The following IL1R1 variants were observed in gnomAD, a reference collection of about 807,000 sequenced individuals.
IL1R1 encodes the protein interleukin 1 receptor type 1.
Under a neutral mutation model 50.2 loss-of-function variants are expected in IL1R1, and 22 were observed. The observed-to-expected ratio is 0.44, with a 90% CI of 0.31 to 0.63. IL1R1 has a LOEUF of 0.63. Ranked by LOEUF, IL1R1 falls within the 20% of genes least tolerant of loss-of-function variation. IL1R1 has a pLI of 0.07. For missense variants in IL1R1, 509 were observed against 676.2 expected, an observed-to-expected ratio of 0.75 and a Z score of 2.74; for synonymous variants, 251 against 236.7, an observed-to-expected ratio of 1.06 and a Z score of -0.55.
chr2:102,143,690 GC>G (rs910421340), intron 1 of IL1R1, among the ~76,000 whole-genome samples: 1 of 152,134 alleles, frequency 6.6e-6, no homozygotes, highest in Admixed American at 6.5e-5. Flanking sequence ...TCTGCATGCA[GC>G]CCCCCTCTGT....
chr2:102,134,063 T>C (rs1015391962), intron 1 of IL1R1, among the ~76,000 whole-genome samples: 7 of 152,206 alleles, frequency 4.6e-5, no homozygotes, highest in South Asian at 4.1e-4. Context: ...AAGATCAATA[T>C]ACAAAAATCA....
intron 6 of IL1R1, among the ~76,000 whole-genome samples, chr2:102,167,836 T>C (rs915247859): frequency 6.6e-6 from 1 of 152,234 alleles, no homozygotes; most frequent in Non-Finnish European, 1.5e-5. Context: ...GGTAATATTT[T>C]GTTTTCTTTC....
chr2:102,136,555 T>C (rs1682355377), intron 1 of IL1R1, among the ~76,000 whole-genome samples: 1 of 152,014 alleles, frequency 6.6e-6, no homozygotes, highest in African/African-American at 2.4e-5. Context: ...TTTTTGTATC[T>C]TTAGTAGAGA....
chr2:102,165,174 A>G lies in IL1R1; in HGVS notation c.356A>G (p.Asn119Ser), dbSNP rs765231179. Residue 119 changes from asparagine (N) to serine (S), a missense_variant, in exon 5 of 12, where the codon AAC becomes AGC. Physicochemically the swap from Asn to Ser is conservative, Grantham distance 46. Transcript: ENST00000410023. ...GCAAAATTTGTGGAGAATGAGCCTA[A>G]CTTATGTTATAATGCACAAGCCATA... ...ISAKFVENEP[N>S]LCYNAQAIFK... 3.8e-6 allele frequency: 6 copies of G among 1,596,028 alleles called. No individual in the cohort carries two copies. The highest frequency in any genetic ancestry group is 5.1e-6 in the Non-Finnish European group (6 of 1,175,090).
chr2:102,101,514 TCATGCACACA>T (rs902146762), upstream of IL1R1, among the ~76,000 whole-genome samples: 2 of 152,268 alleles, frequency 1.3e-5, no homozygotes, highest in African/African-American at 4.8e-5. Context: ...ACACACATGC[TCATGCACACA>T]CATGCACACA....
intron 1 of IL1R1, among the ~76,000 whole-genome samples, chr2:102,088,877 C>T (rs944603105): frequency 1.1e-4 from 16 of 152,210 alleles, no homozygotes; most frequent in Non-Finnish European, 1.3e-4. Flanking sequence ...CCTCATGAAC[C>T]AACCTCTGCT....
At chr2:102,114,520 TC>T (rs11292113) in intron 1 of IL1R1, among the ~76,000 whole-genome samples, 19,868 of 152,206 alleles carry the variant, frequency 0.13, 1,514 homozygotes, top group East Asian at 0.37. Flanking sequence ...TAAGTTTCCC[TC>T]AAGGTTTAAG....
intron 1 of IL1R1, among the ~76,000 whole-genome samples, chr2:102,147,023 A>G (rs151106042): frequency 8.2e-4 from 125 of 152,334 alleles, no homozygotes; most frequent in African/African-American, 2.8e-3. Flanking sequence ...GGCACCGGAC[A>G]TGTCTAAGCC....
intron 5 of IL1R1, 23 bp downstream of exon 5, chr2:102,165,327 A>C (rs781255026): frequency 3.7e-6 from 5 of 1,336,874 alleles, no homozygotes; most frequent in Non-Finnish European, 5.1e-6. Flanking sequence ...TAAATATGAC[A>C]TTTCACTTTT....
chr2:102,149,136 A>G (rs1176658026), intron 1 of IL1R1, among the ~76,000 whole-genome samples: 2 of 152,124 alleles, frequency 1.3e-5, no homozygotes, highest in Non-Finnish European at 2.9e-5. Context: ...GGACTCATTC[A>G]TGGTCACTTC....
In IL1R1 at chr2:102,176,988, C is replaced by T. The variant is rs113822538; in HGVS notation, c.*229C>T. 45 of 498,096 alleles carry T rather than the reference C, an allele frequency of 9.0e-5. 1 individual carries two copies. The highest frequency in any genetic ancestry group is 5.4e-4 in the Middle Eastern group (1 of 1,856). 30.9% of individuals were successfully genotyped at this position (498,096 alleles called of 1,614,324 possible). On this transcript the variant is annotated 3_prime_UTR_variant, in exon 12 of 12. Coordinates refer to ENST00000410023, the MANE Select transcript of IL1R1 (RefSeq NM_000877.4). ...AGATCTTTTAAAAAGGCAGTAGGCC[C>T]GGTGTGGTGGCTCACGCCTATAATC...
At chr2:102,133,293 T>A (rs1450332998) in intron 1 of IL1R1, among the ~76,000 whole-genome samples, 11 of 148,948 alleles carry the variant, frequency 7.4e-5, no homozygotes, top group African/African-American at 2.7e-4. Context: ...CAGGCCCAGA[T>A]AACACGTCTT....
chr2:102,175,449 G>C, intron 10 of IL1R1, 29 bp from the exon 11 acceptor site: 2 of 1,586,746 alleles, frequency 1.3e-6, no homozygotes, highest in Non-Finnish European at 1.7e-6. Context: ...TTGCCTTGTG[G>C]TTCTAAATAC....
chr2:102,138,395 G>T (rs1682460029), upstream of IL1R1, among the ~76,000 whole-genome samples: 1 of 152,234 alleles, frequency 6.6e-6, no homozygotes, highest in Non-Finnish European at 1.5e-5. Context: ...TGGTTTGCCT[G>T]TCACTTATGT....
intron 1 of IL1R1, among the ~76,000 whole-genome samples, chr2:102,082,259 G>A: frequency 6.7e-6 from 1 of 149,926 alleles, no homozygotes; most frequent in Middle Eastern, 3.4e-3. Flanking sequence ...ATAAATTAAA[G>A]GATAAATCTA....
chr2:102,150,283 C>T (rs974270545), intron 1 of IL1R1, among the ~76,000 whole-genome samples: 2 of 152,152 alleles, frequency 1.3e-5, no homozygotes, highest in African/African-American at 4.8e-5. Context: ...GTCACTTTTC[C>T]CGTGCGTGCA....
At chr2:102,172,326 T>C in intron 8 of IL1R1, 1 of 985,290 alleles carries the variant, frequency 1.0e-6, no homozygotes, top group Non-Finnish European at 1.2e-6. Context: ...ATCTCCTGGC[T>C]TCCCATGACC....
chr2:102,158,408 A>AT lies in IL1R1; in HGVS notation c.61+625dup, dbSNP rs1218548679. Among the ~76,000 whole-genome samples, 5 of 152,312 alleles carry AT rather than the reference A, an allele frequency of 3.3e-5. 1 individual carries two copies. The highest frequency in any genetic ancestry group is 1.2e-4 in the African/African-American group (5 of 41,570). On this transcript the variant is annotated intron_variant, in intron 3 of 11. Transcript: ENST00000410023. ...GGAAAAAAGAGTATAAGGTTTTGGC[A>AT]TTACAGTGGGCAGAAGGTTAATTTT...
intron 1 of IL1R1, among the ~76,000 whole-genome samples, chr2:102,145,620 C>A (rs940787877): frequency 6.6e-6 from 1 of 152,130 alleles, no homozygotes; most frequent in African/African-American, 2.4e-5. Flanking sequence ...AAAAGGAAAA[C>A]AAGAGCGGAG....
Sources: gnomAD v4.1 joint callset for allele counts (sites outside exome capture counted in the v4.1 genomes callset) on GRCh38, gnomAD v4.1.1 for gene constraint, MANE v1.5 for transcripts, NCBI Gene and HGNC (gene_info 2026-07-23, HGNC 2026-07-21) for gene names.